The following LINGO2 variants were observed in gnomAD, a reference collection of about 807,000 sequenced individuals.
LINGO2 encodes leucine-rich repeat and immunoglobulin-like domain-containing nogo receptor-interacting protein 2.
Under a neutral mutation model 30.6 loss-of-function variants are expected in LINGO2, and 14 were observed. The ratio of observed to expected loss-of-function variants is 0.46; its 90% CI spans 0.30 to 0.72. LINGO2 has a LOEUF of 0.72. Among genes scored for constraint, LINGO2 ranks in the 30% least tolerant of loss-of-function variants. LINGO2 has a pLI of 0.07. For synonymous variants in LINGO2, 317 were observed against 288.5 expected, an observed-to-expected ratio of 1.10 and a Z score of -1.00; for missense variants, 729 against 751.7, an observed-to-expected ratio of 0.97 and a Z score of 0.35.
intron 5 of LINGO2, among the ~76,000 whole-genome samples, chr9:27,998,209 T>A (rs932954461): frequency 6.6e-6 from 1 of 152,106 alleles, no homozygotes; most frequent in East Asian, 1.9e-4. Flanking sequence ...ATGGAGAAAG[T>A]GGTGCTGTGT....
chr9:28,216,478 G>A (rs1300445633), intron 4 of LINGO2, among the ~76,000 whole-genome samples: 4 of 151,882 alleles, frequency 2.6e-5, no homozygotes, highest in Non-Finnish European at 5.9e-5. Context: ...CATCTCTACA[G>A]AAAGAGCAAT....
chr9:28,062,537 T>C (rs936700058), intron 4 of LINGO2, among the ~76,000 whole-genome samples: 2 of 145,708 alleles, frequency 1.4e-5, no homozygotes, highest in African/African-American at 5.0e-5. Flanking sequence ...CATATACATA[T>C]ATACTATATA....
chr9:28,023,166 T>A (rs942928507), intron 4 of LINGO2, among the ~76,000 whole-genome samples: 4 of 152,196 alleles, frequency 2.6e-5, no homozygotes, highest in African/African-American at 9.6e-5. Flanking sequence ...ATCAGTCTGA[T>A]TCTGATGTTT....
At chr9:28,434,913 T>C (rs969434361) in intron 2 of LINGO2, among the ~76,000 whole-genome samples, 2 of 152,152 alleles carry the variant, frequency 1.3e-5, no homozygotes, top group African/African-American at 4.8e-5. Flanking sequence ...ATGAAGACTA[T>C]ATTTTACCAT....
chr9:28,900,795 C>T, the LINGO2 span, among the ~76,000 whole-genome samples: 4 of 151,994 alleles, frequency 2.6e-5, no homozygotes, highest in African/African-American at 9.7e-5. Flanking sequence ...CATGACATAC[C>T]AAAGAGACAA....
chr9:28,057,960 T>C (rs1391389246), intron 4 of LINGO2, among the ~76,000 whole-genome samples: 1 of 152,128 alleles, frequency 6.6e-6, no homozygotes, highest in Non-Finnish European at 1.5e-5. Flanking sequence ...AATAATAGCT[T>C]TTCTTTTATA....
rs141797381 is a variant in LINGO2 at position 28,047,783 on chromosome 9, A to G, written c.-86-35378T>C. ...CAATAGAACACTTAAAATTATACTGAACAAGAAAAGAGCAAAGTATTTTTT... is the reference window on the plus strand; with the variant it reads ...CAATAGAACACTTAAAATTATACTGGACAAGAAAAGAGCAAAGTATTTTTT... On this transcript the variant is annotated intron_variant, in intron 4 of 5. Transcript: ENST00000379992. Among the ~76,000 whole-genome samples, 4 of 110,404 alleles carry G rather than the reference A, an allele frequency of 3.6e-5. No individual in the cohort carries two copies. The East Asian group carries it at 8.2e-4, about 23-fold the overall frequency. 72.4% of individuals were successfully genotyped at this position (110,404 alleles called of 152,430 possible). A position where few individuals can be genotyped will look rare whatever the true frequency, so the allele number is the denominator to read the frequency against.
chr9:28,147,713 G>C lies in LINGO2; in HGVS notation c.-86-135308C>G, dbSNP rs1413412484. Reference sequence around the variant, plus strand: ...AGCCCCACGGGGGGGCCCGTCCAGGGCCACACAACTGCCCCCAGGAGCAGG... The same window carrying C: ...AGCCCCACGGGGGGGCCCGTCCAGGCCCACACAACTGCCCCCAGGAGCAGG... On this transcript the variant is annotated intron_variant, in intron 4 of 5. Transcript: ENST00000379992. This position sits in a 1 kb window ranked among gnomAD's most constrained non-coding sequence, Gnocchi z 4.7. 1.3e-5 allele frequency among the ~76,000 whole-genome samples: 2 copies of C among 152,160 alleles called. No homozygotes were observed. Among genetic ancestry groups the C allele is most frequent in the Non-Finnish European group, 2.9e-5 (2 of 68,022 alleles).
intron 1 of LINGO2, among the ~76,000 whole-genome samples, chr9:28,650,113 A>C (rs527557516): frequency 1.3e-5 from 2 of 152,204 alleles, no homozygotes; most frequent in African/African-American, 2.4e-5. Flanking sequence ...GAACAGGCAA[A>C]TAAAAGGAAT....
chr9:28,047,976 A>G lies in LINGO2; in HGVS notation c.-86-35571T>C, dbSNP rs1824501629. Among the ~76,000 whole-genome samples, 2 of 150,398 alleles carry G rather than the reference A, an allele frequency of 1.3e-5. 1 individual carries two copies. Among genetic ancestry groups the G allele is most frequent in the African/African-American group, 4.9e-5 (2 of 40,470 alleles). Reference sequence around the variant, plus strand: ...CAACGTAATTTCCACAAAAAATATGAAAAGTGTGACTGTAATAGAAAATAA... The same window carrying G: ...CAACGTAATTTCCACAAAAAATATGGAAAGTGTGACTGTAATAGAAAATAA... On this transcript the variant is annotated intron_variant, in intron 4 of 5. Transcript: ENST00000379992.
intron 2 of LINGO2, among the ~76,000 whole-genome samples, chr9:28,432,311 A>C (rs980168345): frequency 1.3e-5 from 2 of 152,062 alleles, no homozygotes; most frequent in Admixed American, 1.3e-4. Flanking sequence ...TCATTTTGAC[A>C]CTAAAAGACA....
At chr9:28,230,060 T>C (rs183878843) in intron 4 of LINGO2, among the ~76,000 whole-genome samples, 19 of 151,904 alleles carry the variant, frequency 1.3e-4, no homozygotes, top group Admixed American at 5.2e-4. Flanking sequence ...AAAATGCAAG[T>C]TGTGTTAGAT....
At chr9:29,089,810 T>G in the LINGO2 span, among the ~76,000 whole-genome samples, 7 of 151,998 alleles carry the variant, frequency 4.6e-5, no homozygotes, top group Non-Finnish European at 1.0e-4. Flanking sequence ...GGAAACTAGT[T>G]CCATGAATGT....
the LINGO2 span, among the ~76,000 whole-genome samples, chr9:28,725,902 A>G: frequency 6.6e-6 from 1 of 152,122 alleles, no homozygotes; most frequent in Non-Finnish European, 1.5e-5. Context: ...AACCAAGGTT[A>G]TAAGCACTGA....
chr9:28,958,524 T>C, the LINGO2 span, among the ~76,000 whole-genome samples: 1 of 151,924 alleles, frequency 6.6e-6, no homozygotes, highest in Non-Finnish European at 1.5e-5. Context: ...GCCTCTCCAG[T>C]GTAAGGGGAA....
At chr9:29,070,016 A>T in the LINGO2 span, among the ~76,000 whole-genome samples, 22 of 152,198 alleles carry the variant, frequency 1.4e-4, no homozygotes, top group South Asian at 3.5e-3. Flanking sequence ...TTTTCAATGA[A>T]TTGCACTCAT....
chr9:28,259,914 C>T (rs1305000285), intron 4 of LINGO2, among the ~76,000 whole-genome samples: 1 of 151,826 alleles, frequency 6.6e-6, no homozygotes, highest in Non-Finnish European at 1.5e-5. Context: ...CCTCTTGCAC[C>T]AGCAACTAAC....
intron 5 of LINGO2, among the ~76,000 whole-genome samples, chr9:27,994,266 C>A (rs1029014069): frequency 6.6e-6 from 1 of 151,440 alleles, no homozygotes; most frequent in Admixed American, 6.6e-5. Flanking sequence ...CAAACCAAAC[C>A]CGAAATTAGT....
chr9:29,019,946 A>T, the LINGO2 span, among the ~76,000 whole-genome samples: 1 of 152,184 alleles, frequency 6.6e-6, no homozygotes, highest in Non-Finnish European at 1.5e-5. Flanking sequence ...TGCTGGGATG[A>T]TAAAAATCCT....
Sources: allele counts gnomAD v4.1 joint callset (sites outside exome capture counted in the v4.1 genomes callset), GRCh38; gene constraint gnomAD v4.1.1; non-coding constraint Gnocchi (gnomAD v3.1); transcripts MANE v1.5; gene names NCBI Gene and HGNC (gene_info 2026-07-23, HGNC 2026-07-21).